ZNF407: variants seen among roughly 807,000 people sequenced by gnomAD.
The protein encoded by ZNF407 is zinc finger protein 407.
In ZNF407, 17 loss-of-function variants were observed where a neutral mutation model predicts 131.2. The ratio of observed to expected loss-of-function variants is 0.13; its 90% confidence interval spans 0.09 to 0.19. The LOEUF is 0.19. Ranked by LOEUF, ZNF407 falls within the 10% of genes least tolerant of loss-of-function variation. The pLI is 1.00. For missense variants in ZNF407, 2,681 were observed against 2,830.6 expected (o/e 0.95, Z 1.20); for synonymous variants, 1,156 against 1,062.0 (o/e 1.09, Z -1.72).
At chr18:75,059,124 C>T (rs903970912) in intron 8 of ZNF407, among the ~76,000 whole-genome samples, 4 of 152,274 alleles carry the variant, frequency 2.6e-5, no homozygotes, top group Admixed American at 1.3e-4. Flanking sequence ...CAGTATTTAC[C>T]CATTTAGTTT....
intron 3 of ZNF407, among the ~76,000 whole-genome samples, chr18:74,710,324 G>A (rs924487886): frequency 1.3e-5 from 2 of 152,018 alleles, no homozygotes; most frequent in African/African-American, 4.8e-5. Context: ...CTCATGTAGG[G>A]GTATTGACTT....
chr18:74,963,695 A>C (rs1972375892), intron 8 of ZNF407, among the ~76,000 whole-genome samples: 1 of 152,256 alleles, frequency 6.6e-6, no homozygotes, highest in Admixed American at 6.5e-5. Flanking sequence ...TCAGCTTTTT[A>C]AACAACACTA....
intron 4 of ZNF407, among the ~76,000 whole-genome samples, chr18:74,819,101 A>G (rs2554105): frequency 0.98 from 149,395 of 152,230 alleles, 73,373 homozygotes; most frequent in East Asian, 1. Context: ...GCCTTGGTCA[A>G]GTATTCAGAA....
At chr18:74,854,681 T>C (rs1970833992) in intron 4 of ZNF407, among the ~76,000 whole-genome samples, 1 of 152,164 alleles carries the variant, frequency 6.6e-6, no homozygotes, top group South Asian at 2.1e-4. Flanking sequence ...ATTTCATACA[T>C]ACAACAATAT....
intron 3 of ZNF407, among the ~76,000 whole-genome samples, chr18:74,644,071 G>A (rs1378164607): frequency 6.6e-6 from 1 of 151,636 alleles, no homozygotes; most frequent in Non-Finnish European, 1.5e-5. Flanking sequence ...CTCATGTCAT[G>A]GTAAAAATTT....
chr18:74,897,083 G>C (rs1971462990), intron 7 of ZNF407, among the ~76,000 whole-genome samples: 1 of 151,910 alleles, frequency 6.6e-6, no homozygotes, highest in Non-Finnish European at 1.5e-5. Flanking sequence ...AAGTACATAG[G>C]CTTTTTAAAA....
At chr18:74,963,723 T>C (rs1196783631) in intron 8 of ZNF407, among the ~76,000 whole-genome samples, 4 of 152,228 alleles carry the variant, frequency 2.6e-5, no homozygotes, top group East Asian at 1.9e-4. Context: ...ACAATATCTA[T>C]GTTACTTTTT....
intron 7 of ZNF407, among the ~76,000 whole-genome samples, chr18:74,913,324 CAGTT>C (rs1333065177): frequency 6.6e-6 from 1 of 152,082 alleles, no homozygotes; most frequent in Non-Finnish European, 1.5e-5. Context: ...AGTGAAGAAT[CAGTT>C]AGATAGAATA....
At chr18:75,060,480 C>G (rs772882760) in intron 8 of ZNF407, among the ~76,000 whole-genome samples, 1 of 150,980 alleles carries the variant, frequency 6.6e-6, no homozygotes, top group African/African-American at 2.4e-5. Flanking sequence ...GCTGGCCCTG[C>G]AGCTCTTTTC....
intron 8 of ZNF407, among the ~76,000 whole-genome samples, chr18:74,947,075 C>A (rs1476609580): frequency 6.6e-6 from 1 of 152,156 alleles, no homozygotes; most frequent in African/African-American, 2.4e-5. Context: ...TGTGGAGAAA[C>A]CTAACAGATG....
chr18:74,976,158 G>T (rs1198540025), intron 8 of ZNF407, among the ~76,000 whole-genome samples: 1 of 152,182 alleles, frequency 6.6e-6, no homozygotes, highest in African/African-American at 2.4e-5. Context: ...TTCCATATTG[G>T]TTGACCCCAA....
At chr18:74,939,853 G>GA (rs1412930642) in intron 8 of ZNF407, among the ~76,000 whole-genome samples, 1 of 152,180 alleles carries the variant, frequency 6.6e-6, no homozygotes, top group Non-Finnish European at 1.5e-5. Flanking sequence ...TGGTGTGGCA[G>GA]AAAAAACACT....
chr18:74,794,303 T>C (rs945113971), intron 4 of ZNF407, among the ~76,000 whole-genome samples: 50 of 152,206 alleles, frequency 3.3e-4, no homozygotes, highest in African/African-American at 1.1e-3. Flanking sequence ...CCAGTAAGGA[T>C]GTACTCAAGA....
At chr18:75,044,083 G>A (rs543568880) in intron 8 of ZNF407, among the ~76,000 whole-genome samples, 3 of 152,104 alleles carry the variant, frequency 2.0e-5, no homozygotes, top group South Asian at 2.1e-4. Flanking sequence ...CTGGGGCCAC[G>A]ATATCAAACA....
At chr18:75,055,497 G>A (rs1973551594) in intron 8 of ZNF407, among the ~76,000 whole-genome samples, 1 of 152,120 alleles carries the variant, frequency 6.6e-6, no homozygotes, top group East Asian at 1.9e-4. Context: ...CTCTATTACT[G>A]TTAGATCTTC....
At chr18:74,760,433 C>G (rs1005090352) in intron 3 of ZNF407, among the ~76,000 whole-genome samples, 1 of 152,170 alleles carries the variant, frequency 6.6e-6, no homozygotes, top group East Asian at 1.9e-4. Context: ...TATGTTGGAG[C>G]TTTTCTAAGC....
rs565317849 is a variant in ZNF407 at position 75,065,443 on chromosome 18, T to C, written c.*975T>C. The C allele has an allele frequency of 3.9e-5, 6 of 152,340 alleles. No homozygotes were observed. The highest frequency in any genetic ancestry group is 7.3e-5 in the Non-Finnish European group (5 of 68,028). 9.4% of individuals were successfully genotyped at this position (152,340 alleles called of 1,614,324 possible). On this transcript the variant is annotated 3_prime_UTR_variant, in exon 9 of 9. Coordinates refer to ENST00000299687, the MANE Select transcript of ZNF407 (RefSeq NM_017757.3). Reference sequence around the variant, plus strand: ...CTGCCGTGGCTGCCAGCATGGTCTGTGTTTCCTTGTGGATTCACCTGTGGC... The same window carrying C: ...CTGCCGTGGCTGCCAGCATGGTCTGCGTTTCCTTGTGGATTCACCTGTGGC...
At chr18:75,051,260 A>G (rs1491000681) in intron 8 of ZNF407, among the ~76,000 whole-genome samples, 2 of 152,236 alleles carry the variant, frequency 1.3e-5, no homozygotes, top group East Asian at 3.8e-4. Flanking sequence ...TAATGCTGTC[A>G]CTTAGGACCT....
intron 3 of ZNF407, among the ~76,000 whole-genome samples, chr18:74,774,262 T>C (rs2145008193): frequency 6.6e-6 from 1 of 152,268 alleles, no homozygotes. Flanking sequence ...CTAACTAAAA[T>C]AGAAGGAATG....
Sources: gnomAD v4.1 joint callset for allele counts (sites outside exome capture counted in the v4.1 genomes callset) on GRCh38, gnomAD v4.1.1 for gene constraint, MANE v1.5 for transcripts, NCBI Gene and HGNC (gene_info 2026-07-23, HGNC 2026-07-21) for gene names.